The following RAB8B variants were observed in gnomAD, a reference collection of about 807,000 sequenced individuals.
The protein encoded by RAB8B is ras-related protein Rab-8B.
In RAB8B, 11 loss-of-function variants were observed where a neutral mutation model predicts 32.0. The ratio of observed to expected loss-of-function variants is 0.34; its 90% CI spans 0.22 to 0.57. The LOEUF (loss-of-function observed/expected upper bound fraction) is 0.57. RAB8B is among the 20% of genes least tolerant of loss of function. RAB8B has a pLI of 0.86. For missense variants in RAB8B, 190 were observed against 258.5 expected, an observed-to-expected ratio of 0.73 and a Z score of 1.82; for synonymous variants, 103 against 89.6, an observed-to-expected ratio of 1.15 and a Z score of -0.85.
rs572387833 is a variant in RAB8B at position 63,263,652 on chromosome 15, G to C, written c.*33G>C. Reference sequence around the variant, plus strand: ...TTTCTGAGAGACTGCAGCACACCTAGAGGGCCCTTTCCTGCTTCTCTGAAA... The same window carrying C: ...TTTCTGAGAGACTGCAGCACACCTACAGGGCCCTTTCCTGCTTCTCTGAAA... On this transcript the variant is annotated 3_prime_UTR_variant, in exon 8 of 8. Transcript: ENST00000321437. 6 of 1,529,636 alleles carry C rather than the reference G, an allele frequency of 3.9e-6. No individual in the cohort carries two copies. In the South Asian group the frequency reaches 5.6e-5, roughly 14 times the overall value. The allele number at this position is 1,529,636 out of a possible 1,614,324, so 94.8% of individuals were successfully genotyped here.
At chr15:63,195,897 C>A (rs562401542) in intron 1 of RAB8B, among the ~76,000 whole-genome samples, 29 of 152,146 alleles carry the variant, frequency 1.9e-4, no homozygotes, top group Non-Finnish European at 3.7e-4. Context: ...AAGGGAAATT[C>A]AAGGTAAGAT....
chr15:63,241,029 A>G (rs1211699962), intron 1 of RAB8B, among the ~76,000 whole-genome samples: 1 of 152,212 alleles, frequency 6.6e-6, no homozygotes, highest in Non-Finnish European at 1.5e-5. Flanking sequence ...ATATTCTGGT[A>G]TACATCGTCG....
At chr15:63,252,244 T>C (rs1431299826) in intron 3 of RAB8B, among the ~76,000 whole-genome samples, 1 of 152,118 alleles carries the variant, frequency 6.6e-6, no homozygotes, top group Non-Finnish European at 1.5e-5. Flanking sequence ...ACTGAAGATA[T>C]AAATTAATAA....
At position 63,259,611 on chromosome 15, in the gene RAB8B, T is replaced by G; in HGVS notation, c.415-16T>G. 1 of 1,607,034 alleles carries G rather than the reference T, an allele frequency of 6.2e-7. No individual in the cohort carries two copies. Among genetic ancestry groups the G allele is most frequent in the Non-Finnish European group, 8.5e-7 (1 of 1,173,584 alleles). The stretch of plus-strand genomic sequence containing the variant: ...GTATCTTTTGCTAAATTTAAATATT[T>G]CTGTTTACTTTTCAGCTAGCAATTG... On this transcript the variant is annotated splice_polypyrimidine_tract_variant and intron_variant, in intron 5 of 7. Coordinates refer to ENST00000321437, the MANE Select transcript of RAB8B (RefSeq NM_016530.3). The surrounding 1 kb of genome is among the most constrained non-coding windows in gnomAD (Gnocchi z 4.4).
intron 1 of RAB8B, among the ~76,000 whole-genome samples, chr15:63,202,227 G>A (rs1219249236): frequency 3.3e-5 from 5 of 151,196 alleles, no homozygotes; most frequent in Admixed American, 6.6e-5. Flanking sequence ...GCAGTGAGCC[G>A]AGATCGCGCC....
intron 6 of RAB8B, 112 bp from the exon 7 acceptor site, chr15:63,262,580 A>T (rs1197308936): frequency 3.2e-6 from 1 of 312,714 alleles, no homozygotes; most frequent in Non-Finnish European, 5.4e-6. Flanking sequence ...AGCCAGGGCA[A>T]CATAGCAAGA....
intron 2 of RAB8B, among the ~76,000 whole-genome samples, chr15:63,245,503 A>G (rs1166720554): frequency 1.3e-5 from 2 of 152,200 alleles, no homozygotes; most frequent in Admixed American, 6.5e-5. Context: ...TCTCCAGCAG[A>G]TGCCAATTGG....
intron 5 of RAB8B, 129 bp downstream of exon 5, chr15:63,256,723 A>G: frequency 1.5e-6 from 1 of 666,104 alleles, no homozygotes; most frequent in Non-Finnish European, 2.5e-6. Flanking sequence ...TATCAACAAC[A>G]AAGAGATGTA....
intron 5 of RAB8B, among the ~76,000 whole-genome samples, chr15:63,258,851 A>G (rs1278617813): frequency 1.3e-5 from 2 of 152,154 alleles, no homozygotes; most frequent in African/African-American, 2.4e-5. Context: ...GAGGGGACCA[A>G]TCAGAGGTAC....
intron 1 of RAB8B, among the ~76,000 whole-genome samples, chr15:63,221,791 TA>T (rs1191787356): frequency 1.3e-5 from 2 of 152,236 alleles, no homozygotes; most frequent in African/African-American, 4.8e-5. Context: ...AAGCAATTAT[TA>T]AAAGTAATTA....
chr15:63,193,993 G>A (rs2037580329), intron 1 of RAB8B, among the ~76,000 whole-genome samples: 1 of 152,086 alleles, frequency 6.6e-6, no homozygotes, highest in South Asian at 2.1e-4. Flanking sequence ...ACAGAAAAAG[G>A]TGCTGGTTTA....
At chr15:63,208,918 A>C (rs963756966) in intron 1 of RAB8B, among the ~76,000 whole-genome samples, 2 of 106,592 alleles carry the variant, frequency 1.9e-5, no homozygotes, top group Non-Finnish European at 3.8e-5. Flanking sequence ...TTTGAGGGGG[A>C]GTCTCCCTCT....
At chr15:63,255,208 G>A (rs2038149791) in intron 3 of RAB8B, among the ~76,000 whole-genome samples, 1 of 152,102 alleles carries the variant, frequency 6.6e-6, no homozygotes, top group Admixed American at 6.5e-5. Context: ...GCTCCAATTG[G>A]GGCTGATTGT....
intron 3 of RAB8B, chr15:63,251,411 T>C (rs1440838409): frequency 2.3e-6 from 1 of 434,970 alleles, no homozygotes; most frequent in Non-Finnish European, 4.6e-6. Flanking sequence ...ATGCTAGGAA[T>C]GATGTGCTGA....
chr15:63,220,661 G>C (rs2037837044), intron 1 of RAB8B, among the ~76,000 whole-genome samples: 1 of 152,076 alleles, frequency 6.6e-6, no homozygotes, highest in African/African-American at 2.4e-5. Context: ...TAATTTGCCA[G>C]CCATTAAGAT....
In RAB8B at chr15:63,263,914, C is replaced by T. The variant is rs1311480051; in HGVS notation, c.*295C>T. The T allele has an allele frequency of 3.5e-6, 1 of 289,602 alleles. No individual in the cohort carries two copies. The highest frequency in any genetic ancestry group is 6.5e-6 in the Non-Finnish European group (1 of 153,066). The allele number at this position is 289,602 out of a possible 1,614,324, so 17.9% of individuals were successfully genotyped here. A position where few individuals can be genotyped will look rare whatever the true frequency, so the allele number is the denominator to read the frequency against. ...GGTTATCTTTCTTTTTTACTTTGCA[C>T]ATCAGTGTTAGCCTTTCCCTATTTC... On this transcript the variant is annotated 3_prime_UTR_variant, in exon 8 of 8. Coordinates refer to ENST00000321437, the MANE Select transcript of RAB8B (RefSeq NM_016530.3).
intron 2 of RAB8B, among the ~76,000 whole-genome samples, chr15:63,245,943 G>A (rs1357335222): frequency 6.6e-6 from 1 of 152,142 alleles, no homozygotes; most frequent in Non-Finnish European, 1.5e-5. Flanking sequence ...TGTGAGCTCG[G>A]CTCACTGCAA....
intron 5 of RAB8B, among the ~76,000 whole-genome samples, chr15:63,257,973 G>A (rs2038171967): frequency 6.7e-6 from 1 of 150,094 alleles, no homozygotes; most frequent in African/African-American, 2.5e-5. Context: ...TGAGGCAGGA[G>A]AATCACTTGA....
At chr15:63,243,925 C>T (rs2038051450) in intron 1 of RAB8B, among the ~76,000 whole-genome samples, 1 of 152,106 alleles carries the variant, frequency 6.6e-6, no homozygotes, top group Admixed American at 6.5e-5. Flanking sequence ...GGGAAGTGCA[C>T]TCATGCAGAA....
Sources: allele counts gnomAD v4.1 joint callset (sites outside exome capture counted in the v4.1 genomes callset), GRCh38; gene constraint gnomAD v4.1.1; non-coding constraint Gnocchi (gnomAD v3.1); transcripts MANE v1.5; gene names NCBI Gene and HGNC (gene_info 2026-07-23, HGNC 2026-07-21).